The following NTM variants were observed in gnomAD, a reference collection of about 807,000 sequenced individuals.
NTM encodes the protein IgLON family member 2.
Under a neutral mutation model 42.1 loss-of-function variants are expected in NTM, and 13 were observed. The ratio of observed to expected loss-of-function variants is 0.31; its 90% CI spans 0.20 to 0.49. NTM has a LOEUF of 0.49. NTM is among the 20% of genes least tolerant of loss of function. NTM has a pLI of 0.99. For synonymous variants in NTM, 187 were observed against 179.2 expected, an observed-to-expected ratio of 1.04 and a Z score of -0.35; for missense variants, 373 against 452.8, an observed-to-expected ratio of 0.82 and a Z score of 1.60.
At chr11:132,107,965 G>C (rs1417666828) in intron 2 of NTM, among the ~76,000 whole-genome samples, 1 of 152,070 alleles carries the variant, frequency 6.6e-6, no homozygotes, top group Non-Finnish European at 1.5e-5. Context: ...TGACTTATAG[G>C]TATAGTGATC....
At chr11:131,728,051 C>T (rs1356578779) in intron 1 of NTM, among the ~76,000 whole-genome samples, 1 of 152,176 alleles carries the variant, frequency 6.6e-6, no homozygotes. Flanking sequence ...CTTACCTGCT[C>T]AGCCAGGATC....
At chr11:131,960,251 C>G (rs953034267) in intron 2 of NTM, among the ~76,000 whole-genome samples, 1 of 152,176 alleles carries the variant, frequency 6.6e-6, no homozygotes, top group African/African-American at 2.4e-5. Context: ...TGGGACCCTC[C>G]CAGGTAAGAC....
In NTM at chr11:131,635,522, G is replaced by A. The variant is rs184231716; in HGVS notation, c.82+264634G>A. On this transcript the variant is annotated intron_variant, in intron 1 of 8. Coordinates refer to ENST00000683400, the MANE Select transcript of NTM (RefSeq NM_001352005.2). Reference sequence around the variant, plus strand: ...TAATGTTTTTGTACAACTGTATGACGTGTGTACTAAGTACTAATATTACTA... The same window carrying A: ...TAATGTTTTTGTACAACTGTATGACATGTGTACTAAGTACTAATATTACTA... 5.2e-3 allele frequency among the ~76,000 whole-genome samples: 785 copies of A among 152,162 alleles called. 10 individuals are homozygous for A. Among genetic ancestry groups the A allele is most frequent in the South Asian group, 0.032 (155 of 4,814 alleles).
intron 1 of NTM, among the ~76,000 whole-genome samples, chr11:131,522,585 A>T (rs1301675952): frequency 6.6e-6 from 1 of 152,242 alleles, no homozygotes; most frequent in Non-Finnish European, 1.5e-5. Context: ...GAGCTAAAGT[A>T]AAACAAGATT....
chr11:131,792,342 G>A (rs368121277), intron 1 of NTM, among the ~76,000 whole-genome samples: 1 of 152,150 alleles, frequency 6.6e-6, no homozygotes, highest in Non-Finnish European at 1.5e-5. Flanking sequence ...TGGAGATCTG[G>A]TTTTCTGTTC....
rs527856445 is a variant in NTM at position 131,789,694 on chromosome 11, C to G, written c.83-121870C>G. Among the ~76,000 whole-genome samples, 30 of 150,654 alleles carry G rather than the reference C, an allele frequency of 2.0e-4. 2 individuals carry two copies. In the East Asian group the frequency reaches 5.2e-3, roughly 26 times the overall value. ...AGCATGGGCCGGGGGCGGTGGCTCT[C>G]GCCTGTAATCCCAGCACTTTGGGAG... On this transcript the variant is annotated intron_variant, in intron 1 of 8. Coordinates refer to ENST00000683400, the MANE Select transcript of NTM (RefSeq NM_001352005.2).
chr11:132,204,101 C>T (rs185623855), intron 3 of NTM, among the ~76,000 whole-genome samples: 1 of 152,290 alleles, frequency 6.6e-6, no homozygotes, highest in Admixed American at 6.5e-5. Flanking sequence ...AAGAAACTCT[C>T]CAATTCCAGG....
At chr11:132,083,339 T>C (rs1043638371) in intron 2 of NTM, among the ~76,000 whole-genome samples, 2 of 152,250 alleles carry the variant, frequency 1.3e-5, no homozygotes, top group African/African-American at 4.8e-5. Context: ...GTTTGCAAAA[T>C]AAACTTTAGT....
chr11:131,983,990 A>G (rs2065674734), intron 2 of NTM, among the ~76,000 whole-genome samples: 1 of 152,258 alleles, frequency 6.6e-6, no homozygotes, highest in African/African-American at 2.4e-5. Flanking sequence ...GAATGAAATT[A>G]CTTGATCTAC....
intron 1 of NTM, among the ~76,000 whole-genome samples, chr11:131,859,409 A>T (rs2046405628): frequency 6.6e-6 from 1 of 152,194 alleles, no homozygotes; most frequent in Non-Finnish European, 1.5e-5. Context: ...CTGGGAATCC[A>T]GGTGTCTCAA....
At chr11:132,006,835 C>T (rs2070904701) in intron 2 of NTM, among the ~76,000 whole-genome samples, 1 of 152,218 alleles carries the variant, frequency 6.6e-6, no homozygotes, top group Non-Finnish European at 1.5e-5. Flanking sequence ...CCACTGTGGG[C>T]CTATGGTGAT....
At chr11:132,070,585 C>T (rs1297681455) in intron 2 of NTM, among the ~76,000 whole-genome samples, 1 of 127,704 alleles carries the variant, frequency 7.8e-6, no homozygotes, top group Non-Finnish European at 1.7e-5. Flanking sequence ...CAAGTTAACA[C>T]GTCAAACTGA....
rs1449581198 is a variant in NTM at position 131,393,728 on chromosome 11, G to A, written c.82+22840G>A. On this transcript the variant is annotated intron_variant, in intron 1 of 8. Coordinates refer to ENST00000683400, the MANE Select transcript of NTM (RefSeq NM_001352005.2). ...TTCCTTCCCTCTTTCCCCACCAATC[G>A]CTGCCTAGCTGCAGCTTCACTTTTC... Among the ~76,000 whole-genome samples the A allele has an allele frequency of 4.6e-5, 7 of 152,162 alleles. No homozygotes were observed. The East Asian group carries it at 5.8e-4, about 13-fold the overall frequency.
At chr11:131,916,628 G>A (rs1356235962) in intron 2 of NTM, among the ~76,000 whole-genome samples, 1 of 152,174 alleles carries the variant, frequency 6.6e-6, no homozygotes, top group Non-Finnish European at 1.5e-5. Flanking sequence ...CTTTGCTCAT[G>A]TCATGTAAGG....
At position 132,070,987 on chromosome 11, in the gene NTM, C is replaced by A. The variant is rs560087795; in HGVS notation, c.168-75295C>A. On this transcript the variant is annotated intron_variant, in intron 2 of 8. Coordinates refer to ENST00000683400, the MANE Select transcript of NTM (RefSeq NM_001352005.2). ...ACAGGTTAGTTAACACGTCACACAG[C>A]CAAGTTAACACGTCACACTGACCAT... 1.0e-4 allele frequency among the ~76,000 whole-genome samples: 14 copies of A among 140,486 alleles called. 2 individuals are homozygous for A. Among genetic ancestry groups the A allele is most frequent in the Middle Eastern group, 3.9e-3 (1 of 254 alleles). The allele number at this position is 140,486 out of a possible 152,430, so 92.2% of individuals were successfully genotyped here. A position where few individuals can be genotyped will look rare whatever the true frequency, so the allele number is the denominator to read the frequency against.
intron 1 of NTM, chr11:131,371,120 T>C: frequency 2.0e-6 from 2 of 985,026 alleles, no homozygotes; most frequent in Non-Finnish European, 2.4e-6. Flanking sequence ...AAAATGTGTT[T>C]GGTGCTCCTG....
intron 3 of NTM, among the ~76,000 whole-genome samples, chr11:132,147,213 G>GAGAA (rs1768778952): frequency 7.1e-6 from 1 of 141,688 alleles, no homozygotes; most frequent in African/African-American, 2.9e-5. Flanking sequence ...GTGTGTGTGT[G>GAGAA]TGAGAGAGAG....
chr11:131,475,122 A>G (rs201741212), intron 1 of NTM, among the ~76,000 whole-genome samples: 2 of 152,094 alleles, frequency 1.3e-5, no homozygotes, highest in East Asian at 1.9e-4. Flanking sequence ...TGACTACATC[A>G]TCTCTGTAGT....
chr11:131,752,771 C>G (rs1311674148), intron 1 of NTM, among the ~76,000 whole-genome samples: 1 of 139,502 alleles, frequency 7.2e-6, no homozygotes. Flanking sequence ...AACGTTAGCC[C>G]TAAAACCACA....
Sources: allele counts gnomAD v4.1 joint callset (sites outside exome capture counted in the v4.1 genomes callset), GRCh38; gene constraint gnomAD v4.1.1; transcripts MANE v1.5; gene names NCBI Gene and HGNC (gene_info 2026-07-23, HGNC 2026-07-21).